FBXO34: variants seen among roughly 807,000 people sequenced by gnomAD.
FBXO34 encodes the protein F-box protein 34.
Under a neutral mutation model 24.5 loss-of-function variants are expected in FBXO34, and 12 were observed. That is an observed-to-expected ratio of 0.49 (90% CI 0.31 to 0.79). The LOEUF is 0.79. Ranked by LOEUF, FBXO34 falls within the 30% of genes least tolerant of loss-of-function variation. The probability of loss-of-function intolerance (pLI) is 0.04; values close to 1 mark genes in which losing one functional copy is unlikely to be tolerated. For missense variants in FBXO34, 823 were observed against 857.7 expected, an observed-to-expected ratio of 0.96 and a Z score of 0.51; for synonymous variants, 320 against 311.9, an observed-to-expected ratio of 1.03 and a Z score of -0.27.
At chr14:55,304,637 C>T (rs1370552204) in intron 1 of FBXO34, among the ~76,000 whole-genome samples, 1 of 151,916 alleles carries the variant, frequency 6.6e-6, no homozygotes, top group Non-Finnish European at 1.5e-5. Flanking sequence ...GTAGCTGGGA[C>T]CACAAGTACA....
chr14:55,427,614 C>T, the FBXO34 span, among the ~76,000 whole-genome samples: 8 of 152,196 alleles, frequency 5.3e-5, no homozygotes, highest in Middle Eastern at 3.4e-3. Context: ...TGCCCTAGCC[C>T]AGGTGTATAT....
the FBXO34 span, among the ~76,000 whole-genome samples, chr14:55,417,005 T>C: frequency 6.6e-6 from 1 of 152,190 alleles, no homozygotes; most frequent in Non-Finnish European, 1.5e-5. Context: ...CTAAGAGCAT[T>C]GCATTCAAGC....
chr14:55,278,700 T>G lies in FBXO34; in HGVS notation c.-11+7163T>G, dbSNP rs2139634826. On this transcript the variant is annotated intron_variant, in intron 1 of 1. Transcript: ENST00000313833. Reference sequence around the variant, plus strand: ...AAAATTGTTGGTAATACCTGTTTCTTTTTTTGAGACAGGTGCTTGATCTGT... The same window carrying G: ...AAAATTGTTGGTAATACCTGTTTCTGTTTTTGAGACAGGTGCTTGATCTGT... 1.3e-5 allele frequency among the ~76,000 whole-genome samples: 2 copies of G among 152,316 alleles called. 1 individual carries two copies. The highest frequency in any genetic ancestry group is 4.1e-4 in the South Asian group (2 of 4,826).
At chr14:55,345,475 C>G (rs1048642004) in intron 1 of FBXO34, among the ~76,000 whole-genome samples, 1 of 152,184 alleles carries the variant, frequency 6.6e-6, no homozygotes. Context: ...CTTCTCTGAC[C>G]TGTTCCTATA....
intron 1 of FBXO34, among the ~76,000 whole-genome samples, chr14:55,327,908 GTTTTTTTTTTTTTTTTTTTT>G (rs386381425): frequency 3.3e-4 from 16 of 48,728 alleles, no homozygotes; most frequent in South Asian, 1.0e-3. Flanking sequence ...GTTGTTGTTG[GTTTTTTTTTTTTTTTTTTTT>G]TTTTTTTTTT....
At chr14:55,417,413 C>T in the FBXO34 span, among the ~76,000 whole-genome samples, 2 of 148,928 alleles carry the variant, frequency 1.3e-5, no homozygotes, top group Non-Finnish European at 3.0e-5. Flanking sequence ...TCAAAAACCC[C>T]AATTTGTAAT....
chr14:55,377,180 C>T, the FBXO34 span, among the ~76,000 whole-genome samples: 5 of 152,112 alleles, frequency 3.3e-5, no homozygotes, highest in Non-Finnish European at 4.4e-5. Context: ...AACCCTGTCT[C>T]TACTAAAAAT....
At chr14:55,420,379 A>T in the FBXO34 span, among the ~76,000 whole-genome samples, 1 of 152,208 alleles carries the variant, frequency 6.6e-6, no homozygotes, top group Non-Finnish European at 1.5e-5. Context: ...GCGGGTGAAA[A>T]GAGTCTAGAG....
At chr14:55,396,287 TAGTTACAAGA>T in the FBXO34 span, among the ~76,000 whole-genome samples, 3 of 152,320 alleles carry the variant, frequency 2.0e-5, no homozygotes, top group South Asian at 6.2e-4. Flanking sequence ...TTCATAGCAA[TAGTTACAAGA>T]GAATTAATGA....
chr14:55,360,099 G>A lies in FBXO34; in HGVS notation c.*589-1634G>A, dbSNP rs1033647546. Among the ~76,000 whole-genome samples the A allele has an allele frequency of 4.0e-5, 6 of 151,664 alleles. No individual in the cohort carries two copies. In the South Asian group the frequency reaches 6.3e-4, roughly 16 times the overall value. ...AAATAATTTTTTTTTTTGAGTTGGA[G>A]TCTCGCTCTGTCTCCCAGGCTGGAG... On this transcript the variant is annotated intron_variant and NMD_transcript_variant, in intron 3 of 3. Coordinates refer to the FBXO34 transcript ENST00000555280.
At chr14:55,315,406 TC>T (rs1882893708) in intron 1 of FBXO34, among the ~76,000 whole-genome samples, 1 of 152,238 alleles carries the variant, frequency 6.6e-6, no homozygotes, top group African/African-American at 2.4e-5. Flanking sequence ...TCCTGGGACT[TC>T]CCTTTACCAG....
rs1881142218 is a variant in FBXO34 at position 55,271,519 on chromosome 14, G to C, written c.-29G>C. The C allele has an allele frequency of 6.6e-6, 1 of 151,048 alleles. No homozygotes were observed. The allele number at this position is 151,048 out of a possible 1,614,324, so 9.4% of individuals were successfully genotyped here. ...CTGGTGCAGCCCCGGGCCAGGCCGC[G>C]GCCGGGGCAGGAGCGCAGGTGGGTC... On this transcript the variant is annotated 5_prime_UTR_variant, in exon 1 of 2. Coordinates refer to ENST00000313833, the MANE Select transcript of FBXO34 (RefSeq NM_017943.4).
At chr14:55,279,901 A>G (rs1328865338) in intron 1 of FBXO34, among the ~76,000 whole-genome samples, 1 of 152,220 alleles carries the variant, frequency 6.6e-6, no homozygotes, top group Non-Finnish European at 1.5e-5. Context: ...CTGAGTAGCA[A>G]ATAGCATTAT....
downstream of FBXO34, chr14:55,366,574 A>G (rs930375460): frequency 6.6e-6 from 1 of 152,584 alleles, no homozygotes; most frequent in African/African-American, 2.4e-5. Flanking sequence ...GAGTCCTTAC[A>G]TGAGTCCCGT....
chr14:55,322,884 A>AT (rs1192977896), intron 1 of FBXO34, among the ~76,000 whole-genome samples: 4 of 151,094 alleles, frequency 2.6e-5, no homozygotes, highest in Non-Finnish European at 4.4e-5. Context: ...TACTAAAATT[A>AT]TTTTTTTGGC....
At chr14:55,367,223 CT>C (rs1348453276) in exon 3 of FBXO34, 1 of 152,218 alleles carries the variant, frequency 6.6e-6, no homozygotes, top group Non-Finnish European at 1.5e-5. Flanking sequence ...TGAAGTCAGT[CT>C]CCACCACCAA....
intron 1 of FBXO34, among the ~76,000 whole-genome samples, chr14:55,334,118 C>A (rs1883691091): frequency 6.6e-6 from 1 of 152,106 alleles, no homozygotes; most frequent in African/African-American, 2.4e-5. Flanking sequence ...CAAGCCAGAG[C>A]CTGTTGTGCT....
chr14:55,402,721 A>G, the FBXO34 span, among the ~76,000 whole-genome samples: 92 of 150,518 alleles, frequency 6.1e-4, 1 homozygote, highest in Admixed American at 1.7e-3. Context: ...AGCATAGCAT[A>G]AATATATCCC....
chr14:55,330,747 C>CG (rs1566558817), intron 1 of FBXO34, among the ~76,000 whole-genome samples: 1 of 152,146 alleles, frequency 6.6e-6, no homozygotes, highest in African/African-American at 2.4e-5. Context: ...GCAGTGATCA[C>CG]GCCACTGCAC....
Sources: allele counts gnomAD v4.1 joint callset (sites outside exome capture counted in the v4.1 genomes callset), GRCh38; gene constraint gnomAD v4.1.1; transcripts MANE v1.5; gene names NCBI Gene and HGNC (gene_info 2026-07-23, HGNC 2026-07-21).